Variants in OXCT1 observed in about 807,000 individuals in gnomAD.
The protein encoded by OXCT1 is succinyl-CoA:3-ketoacid coenzyme A transferase 1, mitochondrial.
OXCT1 carries 27 observed loss-of-function variants against 69.6 expected under a neutral mutation model. The observed-to-expected ratio is 0.39, with a 90% CI of 0.29 to 0.54. OXCT1 has a LOEUF of 0.54. OXCT1 is among the 20% of genes least tolerant of loss of function. The probability of loss-of-function intolerance (pLI) is 0.72; values close to 1 mark genes in which losing one functional copy is unlikely to be tolerated. For missense variants in OXCT1, 437 were observed against 650.2 expected (o/e 0.67, Z 3.57); for synonymous variants, 202 against 217.8 (o/e 0.93, Z 0.64).
At chr5:41,797,251 T>C (rs1301753179) in intron 11 of OXCT1, among the ~76,000 whole-genome samples, 1 of 152,210 alleles carries the variant, frequency 6.6e-6, no homozygotes, top group East Asian at 1.9e-4. Context: ...GGGAAGAGCT[T>C]TGGATCTCCC....
intron 7 of OXCT1, among the ~76,000 whole-genome samples, chr5:41,827,529 C>A (rs1285439711): frequency 6.6e-6 from 1 of 152,170 alleles, no homozygotes; most frequent in Non-Finnish European, 1.5e-5. Flanking sequence ...ATATCAAACA[C>A]AAGATACTGC....
intron 14 of OXCT1, 150 bp from the exon 15 acceptor site, chr5:41,749,757 C>T: frequency 1.6e-6 from 1 of 638,642 alleles, no homozygotes; most frequent in Non-Finnish European, 2.8e-6. Flanking sequence ...ATTTTTTACT[C>T]TTTTTTTGGA....
rs1306632417 is a variant in OXCT1 at position 41,810,230 on chromosome 5, AT to A, written c.733-2793del. ...TCTAGTGAGATCAGGCGATTTAAAC[AT>A]AAGCGTTAATGGAAAACCTGATGAG... On this transcript the variant is annotated intron_variant, in intron 7 of 16. Transcript: ENST00000196371. 1.3e-5 allele frequency among the ~76,000 whole-genome samples: 2 copies of A among 152,076 alleles called. 1 individual carries two copies. Among genetic ancestry groups the A allele is most frequent in the Admixed American group, 1.3e-4 (2 of 15,230 alleles).
intron 2 of OXCT1, 86 bp from the exon 3 acceptor site, chr5:41,861,490 A>G: frequency 1.2e-6 from 1 of 850,380 alleles, no homozygotes; most frequent in Non-Finnish European, 2.0e-6. Flanking sequence ...TTTAAAAGGG[A>G]AATAAAACAA....
In OXCT1 at chr5:41,731,665, C is replaced by G; in HGVS notation, c.*64G>C. 6.4e-7 allele frequency: 1 copy of G among 1,557,376 alleles called. No homozygotes were observed. The highest frequency in any genetic ancestry group is 8.7e-7 in the Non-Finnish European group (1 of 1,147,650). On this transcript the variant is annotated 3_prime_UTR_variant, in exon 17 of 17. Transcript: ENST00000196371. The stretch of plus-strand genomic sequence containing the variant: ...AATACACAATTATGATTATTGATGT[C>G]CTTTCAATTAAATCTTGTGTGTTTA...
Position 41,743,470 on chromosome 5 carries a change from A to G in OXCT1, c.1420-3979T>C, listed in dbSNP as rs372993633. Among the ~76,000 whole-genome samples the G allele has an allele frequency of 6.0e-3, 904 of 149,574 alleles. 10 individuals carry two copies. Among genetic ancestry groups the G allele is most frequent in the African/African-American group, 0.021 (858 of 40,646 alleles). ...TGGTAGTTTCTTTTGCTGTGCAGAA[A>G]CTCTTTAGTTTAATTAGATCCCATT... On this transcript the variant is annotated intron_variant, in intron 15 of 16. Coordinates refer to ENST00000196371, the MANE Select transcript of OXCT1 (RefSeq NM_000436.4).
chr5:41,763,452 G>A (rs1744445359), intron 13 of OXCT1, among the ~76,000 whole-genome samples: 2 of 152,040 alleles, frequency 1.3e-5, no homozygotes, highest in South Asian at 4.1e-4. Flanking sequence ...ATTCTTAGCT[G>A]CAACCCTAAT....
intron 5 of OXCT1, chr5:41,843,688 T>C (rs1034943959): frequency 1.1e-4 from 48 of 432,556 alleles, no homozygotes; most frequent in Middle Eastern, 6.7e-4. Flanking sequence ...TCCATTCTCA[T>C]CCCTACCGCA....
chr5:41,834,726 G>T (rs2112378192), intron 7 of OXCT1, among the ~76,000 whole-genome samples: 1 of 152,152 alleles, frequency 6.6e-6, no homozygotes, highest in Non-Finnish European at 1.5e-5. Context: ...ACAACAGCTG[G>T]AGACTTCCAC....
rs188643395 is a variant in OXCT1 at position 41,845,359 on chromosome 5, C to A, written c.565-2578G>T. 1.8e-3 allele frequency among the ~76,000 whole-genome samples: 281 copies of A among 152,310 alleles called. 1 individual carries two copies. Among genetic ancestry groups the A allele is most frequent in the African/African-American group, 6.3e-3 (263 of 41,564 alleles). On this transcript the variant is annotated intron_variant, in intron 5 of 16. Transcript: ENST00000196371. ...GCTGCCTGGCCAGTGATAATTAATT[C>A]TCTTTGCTGTTAATCTACTTGATTT... is the stretch of plus-strand genomic sequence containing the variant.
chr5:41,732,407 T>C (rs1742678612), intron 16 of OXCT1, among the ~76,000 whole-genome samples: 2 of 152,214 alleles, frequency 1.3e-5, no homozygotes, highest in Admixed American at 1.3e-4. Flanking sequence ...AATGCTTTCC[T>C]GCGAATCTGC....
At chr5:41,856,644 G>A (rs1490259534) in intron 3 of OXCT1, among the ~76,000 whole-genome samples, 1 of 152,100 alleles carries the variant, frequency 6.6e-6, no homozygotes, top group Non-Finnish European at 1.5e-5. Flanking sequence ...CCTACTCAAC[G>A]TGTTTTGCAC....
At chr5:41,853,293 A>T (rs1303500739) in intron 4 of OXCT1, 126 bp downstream of exon 4, 2 of 796,316 alleles carry the variant, frequency 2.5e-6, no homozygotes, top group Non-Finnish European at 4.1e-6. Context: ...GTTAGAAACA[A>T]AATTCCCTGG....
intron 13 of OXCT1, among the ~76,000 whole-genome samples, chr5:41,770,745 T>G (rs1235974713): frequency 6.6e-6 from 1 of 152,208 alleles, no homozygotes; most frequent in Non-Finnish European, 1.5e-5. Flanking sequence ...GTAAAATCCA[T>G]TTTTATAAAT....
chr5:41,852,726 C>T (rs1390517852), intron 4 of OXCT1, among the ~76,000 whole-genome samples: 1 of 152,168 alleles, frequency 6.6e-6, no homozygotes, highest in Non-Finnish European at 1.5e-5. Flanking sequence ...TCAAGGGCTT[C>T]ACTCTGAAGT....
Position 41,776,964 on chromosome 5 carries a change from G to T in OXCT1, c.1249-14764C>A, listed in dbSNP as rs566673003. On this transcript the variant is annotated intron_variant, in intron 13 of 16. Transcript: ENST00000196371. Reference sequence around the variant, plus strand: ...AATTGGAAATACAGACTGGACCTCTGTTCTATGACAAATGATGTACCATTT... The same window carrying T: ...AATTGGAAATACAGACTGGACCTCTTTTCTATGACAAATGATGTACCATTT... Among the ~76,000 whole-genome samples the T allele has an allele frequency of 1.3e-3, 202 of 152,190 alleles. 2 individuals carry two copies. The highest frequency in any genetic ancestry group is 0.013 in the South Asian group (62 of 4,818).
intron 11 of OXCT1, among the ~76,000 whole-genome samples, chr5:41,796,964 T>C (rs1169009923): frequency 1.3e-5 from 2 of 152,184 alleles, no homozygotes; most frequent in Admixed American, 1.3e-4. Context: ...GGTGGGGTTG[T>C]ATGGCCAGCC....
At chr5:41,764,276 T>A (rs1334433090) in intron 13 of OXCT1, among the ~76,000 whole-genome samples, 1 of 152,144 alleles carries the variant, frequency 6.6e-6, no homozygotes, top group Non-Finnish European at 1.5e-5. Flanking sequence ...GAATTTGTGT[T>A]CATTATCTGT....
intron 7 of OXCT1, among the ~76,000 whole-genome samples, chr5:41,839,026 AG>A (rs1304265709): frequency 6.6e-6 from 1 of 152,316 alleles, no homozygotes; most frequent in Non-Finnish European, 1.5e-5. Context: ...TCGGCCTACC[AG>A]GAAAGCATTC....
Sources: gnomAD v4.1 joint callset for allele counts (sites outside exome capture counted in the v4.1 genomes callset) on GRCh38, gnomAD v4.1.1 for gene constraint, MANE v1.5 for transcripts, NCBI Gene and HGNC (gene_info 2026-07-23, HGNC 2026-07-21) for gene names.